The following MYO10 variants were observed in gnomAD, a reference collection of about 807,000 sequenced individuals.
MYO10 encodes the protein myosin X, also known as unconventional myosin-X.
In MYO10, 133 loss-of-function variants were observed where a neutral mutation model predicts 257.3. The observed-to-expected ratio is 0.52, with a 90% CI of 0.45 to 0.60. The LOEUF is 0.60. Ranked by LOEUF, MYO10 falls within the 20% of genes least tolerant of loss-of-function variation. MYO10 has a pLI of 0.00. For synonymous variants in MYO10, 1,104 were observed against 1,028.6 expected (o/e 1.07, Z -1.40); for missense variants, 2,399 against 2,635.7 (o/e 0.91, Z 1.97).
chr5:16,891,799 CT>C (rs1745069076), intron 1 of MYO10, among the ~76,000 whole-genome samples: 1 of 152,098 alleles, frequency 6.6e-6, no homozygotes, highest in African/African-American at 2.4e-5. Flanking sequence ...TCAGTTTGCA[CT>C]AGTTTTTGTG....
chr5:16,725,635 C>G (rs887295470), intron 19 of MYO10, among the ~76,000 whole-genome samples: 1 of 152,134 alleles, frequency 6.6e-6, no homozygotes, highest in African/African-American at 2.4e-5. Context: ...CTACAATTTC[C>G]AAAGTACTTT....
At chr5:16,755,226 C>G (rs1392252906) in intron 18 of MYO10, among the ~76,000 whole-genome samples, 1 of 152,178 alleles carries the variant, frequency 6.6e-6, no homozygotes, top group Non-Finnish European at 1.5e-5. Context: ...AGTGCAGTGG[C>G]GTGATCTCGG....
chr5:16,774,348 T>C (rs893620825), intron 9 of MYO10, among the ~76,000 whole-genome samples: 4 of 152,200 alleles, frequency 2.6e-5, no homozygotes, highest in Admixed American at 1.3e-4. Flanking sequence ...CAGGGGAGGC[T>C]ATTTTGGGCA....
At chr5:16,720,454 T>A (rs984925250) in intron 19 of MYO10, among the ~76,000 whole-genome samples, 8 of 152,056 alleles carry the variant, frequency 5.3e-5, no homozygotes, top group Non-Finnish European at 1.2e-4. Context: ...TATTTTATTT[T>A]ATTTTAATTT....
intron 2 of MYO10, among the ~76,000 whole-genome samples, chr5:16,855,414 T>A (rs917979879): frequency 2.0e-5 from 3 of 152,192 alleles, no homozygotes; most frequent in Non-Finnish European, 4.4e-5. Flanking sequence ...AGGCAAGTTA[T>A]GACCTTTTGG....
rs535381725 is a variant in MYO10, at chr5:16,778,880, C to T, written c.930+665G>A. Among the ~76,000 whole-genome samples the T allele has an allele frequency of 6.2e-4, 95 of 152,056 alleles. 2 individuals are homozygous for T. Among genetic ancestry groups the T allele is most frequent in the Middle Eastern group, 3.4e-3 (1 of 294 alleles). On this transcript the variant is annotated intron_variant, in intron 9 of 40. Coordinates refer to ENST00000513610, the MANE Select transcript of MYO10 (RefSeq NM_012334.3). ...TAATTGTTTGTATTTTTAGTGGAGA[C>T]GGGGTTTCACCGTGTTAGCCAGGAT...
rs1165814029 is a variant in MYO10, at chr5:16,704,571, G to A, written c.2276+8C>T. 2.2e-5 allele frequency: 36 copies of A among 1,609,814 alleles called. No homozygotes were observed. Among genetic ancestry groups the A allele is most frequent in the Non-Finnish European group, 3.1e-5 (36 of 1,176,328 alleles). On this transcript the variant is annotated splice_region_variant and intron_variant, in intron 22 of 40. Transcript: ENST00000513610. ...TCCTGCCTTATCCCCTCAGCGTGGG[G>A]TTCTTACCGTGCTAAGAAGCCCAAG...
chr5:16,688,173 C>T (rs149524354), intron 28 of MYO10, among the ~76,000 whole-genome samples: 375 of 152,248 alleles, frequency 2.5e-3, no homozygotes, highest in Non-Finnish European at 3.2e-3. Context: ...CTCCAGGAGT[C>T]CCAGACAGAA....
At chr5:16,667,757 A>G (rs143570174) in intron 40 of MYO10, among the ~76,000 whole-genome samples, 99 of 152,236 alleles carry the variant, frequency 6.5e-4, no homozygotes, top group African/African-American at 2.3e-3. Flanking sequence ...GGAAGCCTCA[A>G]TAAGCTTCTT....
Position 16,936,116 on chromosome 5 carries a change from G to C in MYO10, c.-308C>G. The stretch of plus-strand genomic sequence containing the variant: ...CACATTCTTCCCCCAGGCGGGGGAA[G>C]GCGGCGGGGTGCTGGCGAGCGCGGC... On this transcript the variant is annotated 5_prime_UTR_variant, in exon 1 of 41. Coordinates refer to ENST00000513610, the MANE Select transcript of MYO10 (RefSeq NM_012334.3). The C allele has an allele frequency of 2.4e-6, 1 of 420,202 alleles. No individual in the cohort carries two copies. The allele number at this position is 420,202 out of a possible 1,614,324, so 26.0% of individuals were successfully genotyped here. A position where few individuals can be genotyped will look rare whatever the true frequency, so the allele number is the denominator to read the frequency against.
intron 3 of MYO10, among the ~76,000 whole-genome samples, chr5:16,812,926 A>ATT (rs756853883): frequency 2.3e-4 from 29 of 127,960 alleles, no homozygotes; most frequent in African/African-American, 4.9e-4. Context: ...GGGTGCTTTT[A>ATT]TTTTTTTTTT....
At chr5:16,793,575 G>A (rs937982431) in intron 4 of MYO10, among the ~76,000 whole-genome samples, 1 of 152,038 alleles carries the variant, frequency 6.6e-6, no homozygotes, top group South Asian at 2.1e-4. Flanking sequence ...CACCCTCCTT[G>A]GCCTCCTAAA....
At chr5:16,837,251 G>A (rs973315151) in intron 2 of MYO10, among the ~76,000 whole-genome samples, 6 of 152,010 alleles carry the variant, frequency 3.9e-5, no homozygotes, top group African/African-American at 9.7e-5. Context: ...CACAGGTTGC[G>A]GTGAGCCAAG....
At position 16,711,159 on chromosome 5, in the gene MYO10, C is replaced by A. The variant is rs1320906614; in HGVS notation, c.2016G>T (p.Gly672=). 3.7e-6 allele frequency: 6 copies of A among 1,613,734 alleles called. No homozygotes were observed. Among genetic ancestry groups the A allele is most frequent in the Non-Finnish European group, 5.1e-6 (6 of 1,179,862 alleles). The stretch of plus-strand genomic sequence containing the variant: ...CCTGAAAGGGTCTTCGGACCGCATA[C>A]CCAGCTTTGCGGATTCTCACAGTCT... ...MLETVRIRKA[G]YAVRRPFQDF... is the part of the protein sequence containing the mutation. Residue 672 remains glycine (G), a synonymous_variant, in exon 20 of 41, where the codon GGG becomes GGT. Transcript: ENST00000513610.
intron 30 of MYO10, among the ~76,000 whole-genome samples, chr5:16,683,173 T>C (rs1278363583): frequency 6.6e-6 from 1 of 152,184 alleles, no homozygotes; most frequent in East Asian, 1.9e-4. Context: ...TATTTTGTTG[T>C]CAATTTTAAC....
chr5:16,741,049 A>G (rs1025100487), intron 19 of MYO10, among the ~76,000 whole-genome samples: 1 of 152,198 alleles, frequency 6.6e-6, no homozygotes, highest in Non-Finnish European at 1.5e-5. Flanking sequence ...TCACAATGAA[A>G]ACACCTCCCT....
chr5:16,714,277 G>A (rs62369279), intron 19 of MYO10, among the ~76,000 whole-genome samples: 1 of 151,928 alleles, frequency 6.6e-6, no homozygotes, highest in Non-Finnish European at 1.5e-5. Flanking sequence ...AATGCTGGAG[G>A]GAAGGGGCAT....
intron 22 of MYO10, among the ~76,000 whole-genome samples, chr5:16,704,121 G>T (rs922007205): frequency 6.6e-6 from 1 of 151,716 alleles, no homozygotes; most frequent in Non-Finnish European, 1.5e-5. Flanking sequence ...AGGAGTTTGA[G>T]ACCCTCCTGG....
At position 16,663,331 on chromosome 5, in the gene MYO10, T is replaced by TG. The variant is rs1736044052; in HGVS notation, c.*3360_*3361insC. Reference sequence around the variant, plus strand: ...AAGTAACATTTTACTTCTAGTTGTTTTTTTTTTTTTTTTTTTTTTTTTTTT... The same window carrying TG: ...AAGTAACATTTTACTTCTAGTTGTTTGTTTTTTTTTTTTTTTTTTTTTTTTT... On this transcript the variant is annotated 3_prime_UTR_variant, in exon 41 of 41. Coordinates refer to ENST00000513610, the MANE Select transcript of MYO10 (RefSeq NM_012334.3). The TG allele has an allele frequency of 6.2e-4, 19 of 30,784 alleles. No homozygotes were observed. Among genetic ancestry groups the TG allele is most frequent in the African/African-American group, 2.0e-3 (18 of 9,158 alleles). 1.9% of individuals were successfully genotyped at this position (30,784 alleles called of 1,614,324 possible). A position where few individuals can be genotyped will look rare whatever the true frequency, so the allele number is the denominator to read the frequency against.
Sources: allele counts gnomAD v4.1 joint callset (sites outside exome capture counted in the v4.1 genomes callset), GRCh38; gene constraint gnomAD v4.1.1; transcripts MANE v1.5; gene names NCBI Gene and HGNC (gene_info 2026-07-23, HGNC 2026-07-21).